Variants in SLC5A10 observed in about 807,000 individuals in gnomAD.
The protein encoded by SLC5A10 is solute carrier family 5 member 10, also known as sodium/mannose cotransporter SLC5A10.
In SLC5A10, 55 loss-of-function variants were observed where a neutral mutation model predicts 68.9. The ratio of observed to expected loss-of-function variants is 0.80; its 90% CI spans 0.64 to 1.00. The LOEUF is 1.00. SLC5A10 is among the 50% of genes least tolerant of loss of function. The pLI is 0.00. For synonymous variants in SLC5A10, 344 were observed against 344.8 expected, an observed-to-expected ratio of 1.00 and a Z score of 0.02; for missense variants, 732 against 819.3, an observed-to-expected ratio of 0.89 and a Z score of 1.30.
At chr17:19,016,776 T>G (rs947264151) in intron 11 of SLC5A10, among the ~76,000 whole-genome samples, 9 of 152,162 alleles carry the variant, frequency 5.9e-5, no homozygotes, top group African/African-American at 2.2e-4. Context: ...CCCCTGCCTC[T>G]CCTCAGAAGC....
chr17:19,015,327 G>A, intron 11 of SLC5A10, 128 bp downstream of exon 11: 1 of 661,182 alleles, frequency 1.5e-6, no homozygotes. Context: ...GGGAAGAGAA[G>A]GGCCAGTGTA....
rs1201382643 is a variant in SLC5A10, at chr17:19,004,784, G to C, written c.983-8626G>C. On this transcript the variant is annotated intron_variant, in intron 9 of 14. Coordinates refer to ENST00000395645, the MANE Select transcript of SLC5A10 (RefSeq NM_001042450.4). This position sits in a 1 kb window ranked among gnomAD's most constrained non-coding sequence, Gnocchi z 5.4. ...CGCGAGGCTGGGCGGGGGCGCGCCG[G>C]TGACTCAGGGCCGCCCCGCTTACCC... 2 of 150,530 alleles carry C rather than the reference G, an allele frequency of 1.3e-5. No homozygotes were observed. Among genetic ancestry groups the C allele is most frequent in the African/African-American group, 4.9e-5 (2 of 41,218 alleles). 9.3% of individuals were successfully genotyped at this position (150,530 alleles called of 1,614,324 possible).
At chr17:18,990,719 T>C (rs763656541) in intron 9 of SLC5A10, among the ~76,000 whole-genome samples, 1 of 152,174 alleles carries the variant, frequency 6.6e-6, no homozygotes, top group Non-Finnish European at 1.5e-5. Flanking sequence ...CCCCAGGCAT[T>C]GGGTTCAGTG....
At chr17:18,959,728 G>T in intron 4 of SLC5A10, 65 bp downstream of exon 4, 1 of 1,470,846 alleles carries the variant, frequency 6.8e-7, no homozygotes, top group South Asian at 1.1e-5. Context: ...TGGTAGTAAT[G>T]GGCAGGACCA....
chr17:18,983,621 T>C (rs952836983), intron 9 of SLC5A10, among the ~76,000 whole-genome samples: 2 of 152,088 alleles, frequency 1.3e-5, no homozygotes, highest in Admixed American at 6.5e-5. Flanking sequence ...GAGCCCAACA[T>C]AGCAGCAGGA....
intron 9 of SLC5A10, among the ~76,000 whole-genome samples, chr17:18,993,170 G>A (rs1349099434): frequency 6.6e-6 from 1 of 152,092 alleles, no homozygotes; most frequent in African/African-American, 2.4e-5. Flanking sequence ...AACGCATCCT[G>A]ACCCCTCTCC....
intron 9 of SLC5A10, chr17:18,978,359 A>G: frequency 6.3e-7 from 1 of 1,598,408 alleles, no homozygotes; most frequent in Non-Finnish European, 8.5e-7. Flanking sequence ...GGGGTTCCAG[A>G]TGTTGGGGTC....
chr17:19,006,308 T>C (rs992184704), intron 9 of SLC5A10, among the ~76,000 whole-genome samples: 6 of 152,260 alleles, frequency 3.9e-5, no homozygotes, highest in African/African-American at 1.4e-4. Flanking sequence ...CATTGCTCAA[T>C]GCAGCCTTGA....
intron 9 of SLC5A10, chr17:18,979,200 C>A: frequency 2.1e-6 from 1 of 468,100 alleles, no homozygotes; most frequent in South Asian, 2.5e-5. Context: ...CCCCATGTAA[C>A]CATGGGCAGC....
At chr17:18,967,155 G>A (rs2042727539) in intron 5 of SLC5A10, among the ~76,000 whole-genome samples, 2 of 152,222 alleles carry the variant, frequency 1.3e-5, no homozygotes, top group South Asian at 4.1e-4. Context: ...CCCGGGGGCT[G>A]CTCGGGAGTT....
At chr17:18,960,693 A>G (rs767702106) in intron 5 of SLC5A10, 41 bp downstream of exon 5, 9 of 1,579,772 alleles carry the variant, frequency 5.7e-6, no homozygotes, top group Middle Eastern at 3.3e-4. Flanking sequence ...GCCTGGAAAC[A>G]TCGCCAATCT....
intron 11 of SLC5A10, among the ~76,000 whole-genome samples, chr17:19,015,873 G>A (rs1019539286): frequency 2.0e-5 from 3 of 152,168 alleles, no homozygotes; most frequent in African/African-American, 4.8e-5. Flanking sequence ...CATGAGGACC[G>A]GGGCTGTGTC....
At position 19,020,565 on chromosome 17, in the gene SLC5A10, C is replaced by T; in HGVS notation, c.*134C>T. Reference sequence around the variant, plus strand: ...CAGCAGCTCGGTGCCCAAGAACTGGCCAAGCCAGCAAAGCGGGAGCCCTGA... The same window carrying T: ...CAGCAGCTCGGTGCCCAAGAACTGGTCAAGCCAGCAAAGCGGGAGCCCTGA... On this transcript the variant is annotated 3_prime_UTR_variant, in exon 15 of 15. Coordinates refer to ENST00000395645, the MANE Select transcript of SLC5A10 (RefSeq NM_001042450.4). The T allele has an allele frequency of 2.6e-6, 2 of 772,622 alleles. No homozygotes were observed. The highest frequency in any genetic ancestry group is 4.1e-6 in the Non-Finnish European group (2 of 489,454). 47.9% of individuals were successfully genotyped at this position (772,622 alleles called of 1,614,324 possible).
chr17:18,999,887 G>C (rs1269550199), intron 9 of SLC5A10, among the ~76,000 whole-genome samples: 2 of 152,238 alleles, frequency 1.3e-5, no homozygotes, highest in African/African-American at 4.8e-5. Context: ...TCCCTGCCCT[G>C]GGGCCTCACC....
Position 18,969,061 on chromosome 17 carries a change from T to A in SLC5A10, c.463T>A (p.Tyr155Asn). 6.2e-7 allele frequency: 1 copy of A among 1,613,654 alleles called. No individual in the cohort carries two copies. Among genetic ancestry groups the A allele is most frequent in the Non-Finnish European group, 8.5e-7 (1 of 1,179,800 alleles). ...SVFTKISLDL[Y>N]AGALFVHICL... ...CTCTCTCCCTCCGCAGCTGGACCTG[T>A]ACGCGGGGGCTCTGTTTGTGCACAT... is the stretch of plus-strand genomic sequence containing the variant. Residue 155 changes from tyrosine to asparagine, a missense_variant, in exon 6 of 15, where the codon TAC (tyrosine) becomes AAC (asparagine). Tyr to Asn is a moderately radical substitution (Grantham distance 143). Transcript: ENST00000395645.
intron 8 of SLC5A10, among the ~76,000 whole-genome samples, chr17:18,975,501 C>T: frequency 6.6e-6 from 1 of 151,840 alleles, no homozygotes; most frequent in East Asian, 1.9e-4. Context: ...ACCAGCCTGA[C>T]CAACATGGTA....
intron 1 of SLC5A10, among the ~76,000 whole-genome samples, chr17:18,957,957 T>G (rs2042537493): frequency 6.6e-6 from 1 of 152,246 alleles, no homozygotes; most frequent in South Asian, 2.1e-4. Flanking sequence ...TTCTGGACTT[T>G]TCATATAAAT....
chr17:18,993,315 C>A (rs1032681626), intron 9 of SLC5A10, among the ~76,000 whole-genome samples: 5 of 152,224 alleles, frequency 3.3e-5, no homozygotes, highest in African/African-American at 1.2e-4. Flanking sequence ...AACTCCAGTG[C>A]AGCCCCAGCC....
At chr17:19,014,665 C>T (rs1316177690) in intron 10 of SLC5A10, among the ~76,000 whole-genome samples, 1 of 152,226 alleles carries the variant, frequency 6.6e-6, no homozygotes, top group East Asian at 1.9e-4. Context: ...TCCATTTCCT[C>T]ATCTGTCAAG....
Sources: gnomAD v4.1 joint callset for allele counts (sites outside exome capture counted in the v4.1 genomes callset) on GRCh38, gnomAD v4.1.1 for gene constraint, Gnocchi (gnomAD v3.1) non-coding constraint, MANE v1.5 for transcripts, NCBI Gene and HGNC (gene_info 2026-07-23, HGNC 2026-07-21) for gene names.